Variants in RAB35 observed in about 807,000 individuals in gnomAD.
RAB35 encodes the protein ras-related protein Rab-35.
In RAB35, 4 loss-of-function variants were observed where a neutral mutation model predicts 28.9. The ratio of observed to expected loss-of-function variants is 0.14; its 90% CI spans 0.07 to 0.32. The LOEUF is 0.32. RAB35 is among the 10% of genes least tolerant of loss of function. RAB35 has a pLI of 1.00. For synonymous variants in RAB35, 99 were observed against 105.1 expected, an observed-to-expected ratio of 0.94 and a Z score of 0.35; for missense variants, 128 against 274.0, an observed-to-expected ratio of 0.47 and a Z score of 3.76.
intron 3 of RAB35, among the ~76,000 whole-genome samples, chr12:120,100,333 G>C (rs1875608836): frequency 6.6e-6 from 1 of 152,338 alleles, no homozygotes; most frequent in East Asian, 1.9e-4. Context: ...CCTTGGGAAG[G>C]TGCCTGCATT....
intron 3 of RAB35, among the ~76,000 whole-genome samples, chr12:120,102,830 G>T (rs985685840): frequency 6.6e-6 from 1 of 152,196 alleles, no homozygotes; most frequent in Non-Finnish European, 1.5e-5. Flanking sequence ...ACTTCCAGAG[G>T]AGCTGCTCGA....
chr12:120,100,375 A>G (rs1024531388), intron 3 of RAB35, among the ~76,000 whole-genome samples: 2 of 152,236 alleles, frequency 1.3e-5, no homozygotes, highest in African/African-American at 2.4e-5. Context: ...TTCAACAGTT[A>G]TAGCACACAG....
chr12:120,101,503 A>G (rs2239202), intron 3 of RAB35, among the ~76,000 whole-genome samples: 19,721 of 152,248 alleles, frequency 0.13, 1,626 homozygotes, highest in East Asian at 0.42. Context: ...AACAGGATGC[A>G]GTTTCAGTTT....
At chr12:120,107,146 G>T (rs569532032) in intron 2 of RAB35, among the ~76,000 whole-genome samples, 8 of 150,928 alleles carry the variant, frequency 5.3e-5, no homozygotes, top group Non-Finnish European at 1.0e-4. Flanking sequence ...GCACCACCAC[G>T]CCCAGCTAAT....
intron 2 of RAB35, among the ~76,000 whole-genome samples, chr12:120,104,540 G>A (rs1875793109): frequency 6.6e-6 from 1 of 152,204 alleles, no homozygotes; most frequent in African/African-American, 2.4e-5. Flanking sequence ...CCAAGAACGT[G>A]GACTTTCTCT....
intron 3 of RAB35, among the ~76,000 whole-genome samples, chr12:120,100,742 TTGGCTTCG>T (rs1334677721): frequency 6.6e-6 from 1 of 152,226 alleles, no homozygotes; most frequent in Non-Finnish European, 1.5e-5. Flanking sequence ...GCGTCGCTCC[TTGGCTTCG>T]GGGTAGCTGT....
chr12:120,103,975 G>T lies in RAB35; in HGVS notation c.104-26C>A. The T allele has an allele frequency of 6.2e-7, 1 of 1,612,050 alleles. No homozygotes were observed. The highest frequency in any genetic ancestry group is 8.5e-7 in the Non-Finnish European group (1 of 1,179,096). On this transcript the variant is annotated intron_variant, in intron 2 of 5. Transcript: ENST00000229340. This position sits in a 1 kb window ranked among gnomAD's most constrained non-coding sequence, Gnocchi z 6.1. The stretch of plus-strand genomic sequence containing the variant: ...CTGCACACACAGGGCAGTTAACGAG[G>T]CCCAGCGCGGTATCTTCCCAGGCCC...
rs17499109 is a variant in RAB35, at chr12:120,103,766, G to C, written c.227+60C>G. ...TTTCCACCATGACCAGGCACCGGTC[G>C]CTCAACTGTGTCCACAGGTCAGTGG... On this transcript the variant is annotated intron_variant, in intron 3 of 5. Transcript: ENST00000229340. This position sits in a 1 kb window ranked among gnomAD's most constrained non-coding sequence, Gnocchi z 6.1. The C allele has an allele frequency of 6.3e-7, 1 of 1,594,042 alleles. No individual in the cohort carries two copies. The highest frequency in any genetic ancestry group is 8.6e-7 in the Non-Finnish European group (1 of 1,168,578).
intron 1 of RAB35, among the ~76,000 whole-genome samples, chr12:120,109,570 G>A (rs982458958): frequency 6.6e-6 from 1 of 151,720 alleles, no homozygotes; most frequent in Non-Finnish European, 1.5e-5. Context: ...TCAGCCTCCC[G>A]AGTAGCTGGG....
intron 1 of RAB35, 94 bp downstream of exon 1, chr12:120,116,505 C>T (rs902703134): frequency 2.8e-5 from 23 of 832,264 alleles, no homozygotes; most frequent in African/African-American, 3.7e-5. Context: ...CCGCCCCGCA[C>T]GGGCCGGCAC....
At chr12:120,097,915 G>A (rs1421777867) in intron 5 of RAB35, among the ~76,000 whole-genome samples, 5 of 135,816 alleles carry the variant, frequency 3.7e-5, no homozygotes, top group Admixed American at 8.3e-5. Context: ...ATGGAGTCTC[G>A]CTCTGTCGCC....
intron 5 of RAB35, 147 bp from the exon 6 acceptor site, chr12:120,097,520 G>C (rs1293037868): frequency 1.6e-6 from 1 of 628,662 alleles, no homozygotes; most frequent in Admixed American, 3.2e-5. Context: ...ATTCTAGAAG[G>C]AGGTGGTGAA....
At chr12:120,109,569 C>T (rs1159647343) in intron 1 of RAB35, among the ~76,000 whole-genome samples, 2 of 152,050 alleles carry the variant, frequency 1.3e-5, no homozygotes, top group South Asian at 2.1e-4. Context: ...CTCAGCCTCC[C>T]GAGTAGCTGG....
chr12:120,105,040 T>G (rs1184660973), intron 2 of RAB35, among the ~76,000 whole-genome samples: 1 of 152,170 alleles, frequency 6.6e-6, no homozygotes, highest in Non-Finnish European at 1.5e-5. Flanking sequence ...TTGGGGCTTA[T>G]GCTATAACAG....
chr12:120,097,602 C>G (rs903969118), intron 5 of RAB35, among the ~76,000 whole-genome samples: 1 of 152,160 alleles, frequency 6.6e-6, no homozygotes, highest in Non-Finnish European at 1.5e-5. Flanking sequence ...CAAAAATTAG[C>G]CGGGAGTGGT....
chr12:120,114,132 C>T (rs1315615606), intron 1 of RAB35, among the ~76,000 whole-genome samples: 2 of 152,148 alleles, frequency 1.3e-5, no homozygotes, highest in Admixed American at 6.5e-5. Context: ...TCATTCTTGT[C>T]GCCCAGGCTG....
intron 1 of RAB35, among the ~76,000 whole-genome samples, chr12:120,114,968 G>A (rs1273033536): frequency 7.9e-5 from 12 of 152,204 alleles, no homozygotes; most frequent in Admixed American, 7.9e-4. Flanking sequence ...GGCCAGGGCT[G>A]CAAGGAAATC....
intron 1 of RAB35, among the ~76,000 whole-genome samples, chr12:120,115,632 C>T (rs966668578): frequency 6.6e-6 from 1 of 152,226 alleles, no homozygotes; most frequent in Non-Finnish European, 1.5e-5. Flanking sequence ...TCGAAGGACA[C>T]TTAATATTCA....
At chr12:120,098,973 C>T (rs375224638) in intron 4 of RAB35, 38 bp from the exon 5 acceptor site, 195 of 1,613,850 alleles carry the variant, frequency 1.2e-4, no homozygotes, top group Non-Finnish European at 1.0e-4. Flanking sequence ...CCCTGAGGGG[C>T]GCAGCCGGCT....
Sources: allele counts gnomAD v4.1 joint callset (sites outside exome capture counted in the v4.1 genomes callset), GRCh38; gene constraint gnomAD v4.1.1; non-coding constraint Gnocchi (gnomAD v3.1); transcripts MANE v1.5; gene names NCBI Gene and HGNC (gene_info 2026-07-23, HGNC 2026-07-21).